The following TTC39A variants were observed in gnomAD, a reference collection of about 807,000 sequenced individuals.
TTC39A encodes the protein tetratricopeptide repeat protein 39A.
Under a neutral mutation model 82.3 loss-of-function variants are expected in TTC39A, and 46 were observed. The ratio of observed to expected loss-of-function variants is 0.56; its 90% CI spans 0.44 to 0.71. The LOEUF (loss-of-function observed/expected upper bound fraction) is 0.71. TTC39A is among the 30% of genes least tolerant of loss of function. The probability of loss-of-function intolerance (pLI) is 0.00; values close to 1 mark genes in which losing one functional copy is unlikely to be tolerated. For synonymous variants in TTC39A, 254 were observed against 275.2 expected, an observed-to-expected ratio of 0.92 and a Z score of 0.76; for missense variants, 543 against 712.9, an observed-to-expected ratio of 0.76 and a Z score of 2.71.
chr1:51,317,441 A>G (rs566949780), intron 2 of TTC39A, among the ~76,000 whole-genome samples: 1 of 152,204 alleles, frequency 6.6e-6, no homozygotes, highest in South Asian at 2.1e-4. Context: ...TACTATTTGG[A>G]GGAAAACTGT....
rs532780100 is a variant in TTC39A, at chr1:51,321,166, G to A, written c.146+555C>T. 1.4e-4 allele frequency among the ~76,000 whole-genome samples: 22 copies of A among 152,268 alleles called. No individual in the cohort carries two copies. The highest frequency in any genetic ancestry group is 4.1e-4 in the South Asian group (2 of 4,828). On this transcript the variant is annotated intron_variant, in intron 2 of 17. Transcript: ENST00000680483. The surrounding 1 kb of genome is among the most constrained non-coding windows in gnomAD (Gnocchi z 4.6). Reference sequence around the variant, plus strand: ...TGGGATTACAAGCGTGAGCCACCACGCCCAGCCCAATAAATGTTTTAAAGT... The same window carrying A: ...TGGGATTACAAGCGTGAGCCACCACACCCAGCCCAATAAATGTTTTAAAGT...
At chr1:51,319,997 G>A (rs2148269904) in intron 2 of TTC39A, among the ~76,000 whole-genome samples, 1 of 152,144 alleles carries the variant, frequency 6.6e-6, no homozygotes, top group East Asian at 1.9e-4. Flanking sequence ...GACTTTCTTA[G>A]GAAATTTCTA....
At chr1:51,331,198 C>T (rs774511039), upstream of TTC39A, 4 of 1,550,400 alleles carry the variant, frequency 2.6e-6, no homozygotes, top group Non-Finnish European at 3.5e-6. Context: ...CTCCTGAATC[C>T]AAAGCCAACA....
At chr1:51,331,306 G>T (rs1046899140), upstream of TTC39A, 2 of 1,541,118 alleles carry the variant, frequency 1.3e-6, no homozygotes, top group African/African-American at 1.4e-5. Context: ...TGTGCACCGA[G>T]CCCTGAGGCG....
At chr1:51,305,197 G>A (rs1412455138) in intron 7 of TTC39A, 51 bp from the exon 8 acceptor site, 1 of 1,577,982 alleles carries the variant, frequency 6.3e-7, no homozygotes, top group Non-Finnish European at 8.7e-7. Context: ...AGTGGGCAGG[G>A]GCCACCCCCA....
chr1:51,311,437 C>T (rs1296714783), intron 4 of TTC39A, 116 bp from the exon 5 acceptor site: 2 of 873,966 alleles, frequency 2.3e-6, no homozygotes, highest in South Asian at 1.7e-5. Flanking sequence ...CAGCACCTCT[C>T]CTGTCCCCTA....
chr1:51,314,111 C>T (rs1645195094), intron 2 of TTC39A, among the ~76,000 whole-genome samples: 1 of 152,224 alleles, frequency 6.6e-6, no homozygotes, highest in African/African-American at 2.4e-5. Context: ...CCTCAGGAGC[C>T]TCTGGGCTCC....
intron 6 of TTC39A, among the ~76,000 whole-genome samples, chr1:51,306,853 A>ACCCCCCCCCCCCCCCCCCC (rs3068549): frequency 5.0e-5 from 3 of 60,182 alleles, no homozygotes; most frequent in African/African-American, 8.6e-5. Flanking sequence ...TAAGGGACAG[A>ACCCCCCCCCCCCCCCCCCC]CCCCCCCCCC....
chr1:51,342,060 A>T (rs1340917130), intron 1 of TTC39A, among the ~76,000 whole-genome samples: 3 of 152,150 alleles, frequency 2.0e-5, no homozygotes, highest in Non-Finnish European at 4.4e-5. Context: ...TCTCTAAAGC[A>T]ATCTGCCCAT....
chr1:51,309,361 G>A, intron 5 of TTC39A, 36 bp from the exon 6 acceptor site: 1 of 1,612,406 alleles, frequency 6.2e-7, no homozygotes, highest in Non-Finnish European at 8.5e-7. Flanking sequence ...CCTGGCCCAG[G>A]TGGGCAGCTG....
chr1:51,321,982 G>T lies in TTC39A; in HGVS notation c.42-157C>A, dbSNP rs953532230. ...GCTGCCACTCTGTACTGGGACGCAG[G>T]GACAATTTGGACCCACCTCTTGGTG... On this transcript the variant is annotated intron_variant, in intron 1 of 17. Transcript: ENST00000680483. This position sits in a 1 kb window ranked among gnomAD's most constrained non-coding sequence, Gnocchi z 4.6. The T allele has an allele frequency of 2.9e-5, 40 of 1,359,286 alleles. No individual in the cohort carries two copies. Among genetic ancestry groups the T allele is most frequent in the Non-Finnish European group, 3.9e-5 (39 of 991,360 alleles). The allele number at this position is 1,359,286 out of a possible 1,614,324, so 84.2% of individuals were successfully genotyped here. A position where few individuals can be genotyped will look rare whatever the true frequency, so the allele number is the denominator to read the frequency against.
upstream of TTC39A, among the ~76,000 whole-genome samples, chr1:51,335,684 C>A (rs1045955293): frequency 6.6e-6 from 1 of 151,998 alleles, no homozygotes; most frequent in African/African-American, 2.4e-5. Context: ...AGGCTTGGAC[C>A]AACATCTAGC....
intron 6 of TTC39A, 136 bp from the exon 7 acceptor site, chr1:51,306,212 T>G: frequency 1.5e-6 from 1 of 670,324 alleles, no homozygotes; most frequent in Non-Finnish European, 2.5e-6. Flanking sequence ...AGAGCTGGTA[T>G]TTGAGGAATT....
At chr1:51,308,816 TGCATGTGC>T (rs890194999) in intron 6 of TTC39A, among the ~76,000 whole-genome samples, 2 of 152,152 alleles carry the variant, frequency 1.3e-5, no homozygotes, top group African/African-American at 4.8e-5. Context: ...CGTGCATGTG[TGCATGTGC>T]ATGTGTGTGT....
intron 2 of TTC39A, 115 bp from the exon 3 acceptor site, chr1:51,313,058 G>A (rs1645144589): frequency 7.1e-7 from 1 of 1,416,582 alleles, no homozygotes; most frequent in African/African-American, 1.4e-5. Flanking sequence ...GGGACCAGAG[G>A]TCCAGGCACG....
chr1:51,339,545 C>T (rs1646011103), intron 1 of TTC39A, among the ~76,000 whole-genome samples: 1 of 152,198 alleles, frequency 6.6e-6, no homozygotes, highest in African/African-American at 2.4e-5. Flanking sequence ...TACAGGAAGG[C>T]TCCTTCCAGG....
At chr1:51,316,959 C>T (rs1373436645) in intron 2 of TTC39A, among the ~76,000 whole-genome samples, 1 of 152,210 alleles carries the variant, frequency 6.6e-6, no homozygotes, top group African/African-American at 2.4e-5. Flanking sequence ...CATTTATTAA[C>T]CACGATCATG....
chr1:51,342,988 A>G (rs1191900587), intron 1 of TTC39A: 1 of 452,672 alleles, frequency 2.2e-6, no homozygotes, highest in Non-Finnish European at 4.5e-6. Flanking sequence ...GCACACTGAG[A>G]GGTGTGTAAC....
At chr1:51,334,898 C>T (rs1645955721), upstream of TTC39A, 1 of 152,314 alleles carries the variant, frequency 6.6e-6, no homozygotes, top group South Asian at 2.1e-4. Flanking sequence ...GAGGGCCCCA[C>T]CCAGGCCGTT....
Sources: allele counts gnomAD v4.1 joint callset (sites outside exome capture counted in the v4.1 genomes callset), GRCh38; gene constraint gnomAD v4.1.1; non-coding constraint Gnocchi (gnomAD v3.1); transcripts MANE v1.5; gene names NCBI Gene and HGNC (gene_info 2026-07-23, HGNC 2026-07-21).